The following GOSR1 variants were observed in gnomAD, a reference collection of about 807,000 sequenced individuals.
GOSR1 encodes the protein 28 kDa Golgi SNARE protein.
A neutral mutation model predicts 35.5 loss-of-function variants in GOSR1; 21 were observed. The observed-to-expected ratio is 0.59, with a 90% CI of 0.42 to 0.85. GOSR1 has a LOEUF of 0.85. Ranked by LOEUF, GOSR1 falls within the 40% of genes least tolerant of loss-of-function variation. GOSR1 has a pLI of 0.00. For missense variants in GOSR1, 285 were observed against 309.6 expected (o/e 0.92, Z 0.60); for synonymous variants, 94 against 106.6 (o/e 0.88, Z 0.73).
At chr17:30,487,127 CAATT>C (rs997450433) in intron 4 of GOSR1, among the ~76,000 whole-genome samples, 3 of 152,040 alleles carry the variant, frequency 2.0e-5, no homozygotes, top group Middle Eastern at 3.4e-3. Context: ...TAAATAAAAA[CAATT>C]AAACAGAGTT....
Position 30,523,073 on chromosome 17 carries a change from G to A in GOSR1, c.*695G>A, listed in dbSNP as rs1000480798. 3 of 176,154 alleles carry A rather than the reference G, an allele frequency of 1.7e-5. No homozygotes were observed. Among genetic ancestry groups the A allele is most frequent in the South Asian group, 1.9e-4 (2 of 10,740 alleles). 10.9% of individuals were successfully genotyped at this position (176,154 alleles called of 1,614,324 possible). A position where few individuals can be genotyped will look rare whatever the true frequency, so the allele number is the denominator to read the frequency against. ...GGCTGGAGTGCAGTGGCGTGATCTC[G>A]GCTCACTACAACCTCCACCTCCCAG... On this transcript the variant is annotated 3_prime_UTR_variant, in exon 9 of 9. Transcript: ENST00000451249.
intron 6 of GOSR1, among the ~76,000 whole-genome samples, chr17:30,504,149 C>T (rs969301800): frequency 6.6e-6 from 1 of 151,920 alleles, no homozygotes; most frequent in Non-Finnish European, 1.5e-5. Flanking sequence ...GCCTCGGCCT[C>T]CCGAGTAGCT....
rs1016990329 is a variant in GOSR1, at chr17:30,525,771, G to A, written c.*3393G>A. Reference sequence around the variant, plus strand: ...GATGGCTGATGGGCCTTTCCATTAGGGTTTTGCTTATGTGAAGTAATGGAA... The same window carrying A: ...GATGGCTGATGGGCCTTTCCATTAGAGTTTTGCTTATGTGAAGTAATGGAA... On this transcript the variant is annotated 3_prime_UTR_variant, in exon 9 of 9. Coordinates refer to ENST00000451249, the MANE Select transcript of GOSR1 (RefSeq NM_001007025.2). The A allele has an allele frequency of 6.6e-6, 1 of 152,046 alleles. No individual in the cohort carries two copies. The highest frequency in any genetic ancestry group is 1.5e-5 in the Non-Finnish European group (1 of 67,992). The allele number at this position is 152,046 out of a possible 1,614,324, so 9.4% of individuals were successfully genotyped here. A position where few individuals can be genotyped will look rare whatever the true frequency, so the allele number is the denominator to read the frequency against.
Position 30,522,484 on chromosome 17 carries a change from G to A in GOSR1, c.*106G>A. ...ACTGTCTTGATAATTAGCCTGACCA[G>A]CAGGATGAATGCAAGACTGACAGTG... On this transcript the variant is annotated 3_prime_UTR_variant, in exon 9 of 9. Coordinates refer to ENST00000451249, the MANE Select transcript of GOSR1 (RefSeq NM_001007025.2). The A allele has an allele frequency of 1.1e-6, 1 of 893,614 alleles. No individual in the cohort carries two copies. Among genetic ancestry groups the A allele is most frequent in the Admixed American group, 2.7e-5 (1 of 36,890 alleles). The allele number at this position is 893,614 out of a possible 1,614,324, so 55.4% of individuals were successfully genotyped here. A position where few individuals can be genotyped will look rare whatever the true frequency, so the allele number is the denominator to read the frequency against.
intron 7 of GOSR1, among the ~76,000 whole-genome samples, chr17:30,515,627 CAGAG>C (rs747966381): frequency 2.0e-5 from 3 of 152,202 alleles, no homozygotes; most frequent in East Asian, 1.9e-4. Flanking sequence ...GTTCTGCCCT[CAGAG>C]AGAGTGATCC....
intron 6 of GOSR1, among the ~76,000 whole-genome samples, chr17:30,507,385 C>T (rs1597789609): frequency 6.6e-6 from 1 of 152,106 alleles, no homozygotes; most frequent in African/African-American, 2.4e-5. Context: ...AAAATAACTG[C>T]GGATGTGGCA....
At chr17:30,510,394 A>G (rs1967571433) in intron 6 of GOSR1, among the ~76,000 whole-genome samples, 1 of 151,986 alleles carries the variant, frequency 6.6e-6, no homozygotes, top group Admixed American at 6.6e-5. Context: ...AATTATATAT[A>G]TTGTATGCGA....
At chr17:30,520,393 G>A (rs1967984699) in intron 8 of GOSR1, 1 of 157,628 alleles carries the variant, frequency 6.3e-6, no homozygotes, top group African/African-American at 2.4e-5. Flanking sequence ...TTCCCATTTA[G>A]AGATAAGTCA....
intron 6 of GOSR1, among the ~76,000 whole-genome samples, chr17:30,496,370 AT>A (rs1306344412): frequency 1.2e-4 from 18 of 152,218 alleles, no homozygotes; most frequent in Admixed American, 6.5e-5. Flanking sequence ...GCCAAGTCTC[AT>A]GGACATTTTT....
chr17:30,498,857 T>C (rs567568520), intron 6 of GOSR1, among the ~76,000 whole-genome samples: 5 of 152,198 alleles, frequency 3.3e-5, no homozygotes, highest in African/African-American at 1.2e-4. Context: ...TCAGATTTAC[T>C]GAGGTAGAAT....
chr17:30,490,840 G>A (rs908424965), intron 5 of GOSR1, among the ~76,000 whole-genome samples: 2 of 151,790 alleles, frequency 1.3e-5, no homozygotes, highest in Non-Finnish European at 2.9e-5. Context: ...AGCATTTTTG[G>A]AAATTTTTTT....
intron 7 of GOSR1, among the ~76,000 whole-genome samples, chr17:30,511,127 C>A (rs963775450): frequency 6.6e-6 from 1 of 152,142 alleles, no homozygotes; most frequent in African/African-American, 2.4e-5. Flanking sequence ...TTTAATTAAG[C>A]TGTTTTACTT....
Position 30,484,667 on chromosome 17 carries a change from C to T in GOSR1, c.239C>T (p.Thr80Ile). The change falls in exon 4 of 9, where the codon ACA becomes ATA. Residue 80 changes from threonine to isoleucine, a missense_variant. Thr to Ile is a moderately conservative substitution (Grantham distance 89). Coordinates refer to ENST00000451249, the MANE Select transcript of GOSR1 (RefSeq NM_001007025.2). ...IEIEQLLARL[T>I]GVNDKMAEYT... ...TTTTTTTTTCTTTATTTCTAGCTTA[C>T]AGGGGTAAATGATAAAATGGCAGAA... 6.9e-7 allele frequency: 1 copy of T among 1,452,878 alleles called. No homozygotes were observed. The highest frequency in any genetic ancestry group is 9.5e-7 in the Non-Finnish European group (1 of 1,057,954). 90.0% of individuals were successfully genotyped at this position (1,452,878 alleles called of 1,614,324 possible).
At chr17:30,485,085 T>TAACGTGGTGGGTA (rs1285141362) in intron 4 of GOSR1, 33 of 390,376 alleles carry the variant, frequency 8.5e-5, no homozygotes, top group Non-Finnish European at 1.5e-4. Flanking sequence ...GTATAGACAA[T>TAACGTGGTGGGTA]AACGTGGTGG....
At chr17:30,479,193 A>C (rs1259578799) in intron 1 of GOSR1, 1 of 152,262 alleles carries the variant, frequency 6.6e-6, no homozygotes, top group Admixed American at 6.5e-5. Context: ...GTTGAAAAGC[A>C]TATTGAAATA....
At chr17:30,509,846 GATGTAA>G (rs1392731326) in intron 6 of GOSR1, among the ~76,000 whole-genome samples, 2 of 152,140 alleles carry the variant, frequency 1.3e-5, no homozygotes, top group Non-Finnish European at 2.9e-5. Flanking sequence ...TAAACATTAA[GATGTAA>G]ATATTTACTA....
At chr17:30,478,398 C>G (rs1241568280) in intron 1 of GOSR1, 1 of 152,168 alleles carries the variant, frequency 6.6e-6, no homozygotes. Flanking sequence ...CTAAGAAACT[C>G]AATTCTAAAT....
intron 4 of GOSR1, among the ~76,000 whole-genome samples, chr17:30,489,384 CA>C (rs563800707): frequency 0.023 from 3,356 of 148,994 alleles, 113 homozygotes; most frequent in African/African-American, 0.071. Context: ...CTCTTGTCTC[CA>C]AAAAAAAAGA....
At chr17:30,517,047 G>A (rs73279556) in intron 7 of GOSR1, among the ~76,000 whole-genome samples, 8,877 of 152,172 alleles carry the variant, frequency 0.058, 819 homozygotes, top group African/African-American at 0.2. Context: ...CAAATACTAT[G>A]TAATCACTGC....
Sources: allele counts gnomAD v4.1 joint callset (sites outside exome capture counted in the v4.1 genomes callset), GRCh38; gene constraint gnomAD v4.1.1; transcripts MANE v1.5; gene names NCBI Gene and HGNC (gene_info 2026-07-23, HGNC 2026-07-21).